FHL1: variants seen among roughly 807,000 people sequenced by gnomAD.
The protein encoded by FHL1 is four and a half LIM domains 1.
Under a neutral mutation model 20.3 loss-of-function variants are expected in FHL1, and 1 was observed. The observed-to-expected ratio is 0.05, with a 90% CI of 0.02 to 0.23. The LOEUF is 0.23. FHL1 is among the 10% of genes least tolerant of loss of function. The pLI is 1.00. For missense variants in FHL1, 177 were observed against 234.0 expected (o/e 0.76, Z 1.59); for synonymous variants, 82 against 88.9 (o/e 0.92, Z 0.44).
upstream of FHL1, among the ~76,000 whole-genome samples, chrX:136,167,365 C>T (rs1198368540): frequency 4.6e-5 from 5 of 109,885 alleles, no homozygotes; most frequent in Non-Finnish European, 9.5e-5. Flanking sequence ...GCCACCACGC[C>T]GGCTAATTTT....
chrX:136,169,999 C>T (rs1392711773), intron 2 of FHL1: 1 of 330,713 alleles, frequency 3.0e-6, no homozygotes, highest in Admixed American at 3.1e-5. Context: ...TACTAATTGC[C>T]ACAAATTCTT....
intron 1 of FHL1, among the ~76,000 whole-genome samples, chrX:136,161,432 G>T (rs1168145213): frequency 8.9e-6 from 1 of 112,184 alleles, no homozygotes; most frequent in Non-Finnish European, 1.9e-5. Flanking sequence ...TGCTGCAGTG[G>T]TTTGTTGGGT....
chrX:136,208,306 GGAT>G, intron 4 of FHL1, 146 bp from the exon 5 acceptor site: 1 of 627,294 alleles, frequency 1.6e-6, no homozygotes, highest in Non-Finnish European at 2.6e-6. Flanking sequence ...TGTAAAGTGG[GGAT>G]AATAATAGCC....
In FHL1 at chrX:136,208,645, G is replaced by A; in HGVS notation, c.736+4G>A. 1 of 1,206,444 alleles carries A rather than the reference G, an allele frequency of 8.3e-7. No individual in the cohort carries two copies. The highest frequency in any genetic ancestry group is 1.1e-6 in the Non-Finnish European group (1 of 891,314). On this transcript the variant is annotated splice_donor_region_variant and intron_variant, in intron 5 of 5. Transcript: ENST00000370683. Reference sequence around the variant, plus strand: ...GGATGCAAGAACCCCATCACTGGTAGGCTAAAGAGTCCTTGCTAAGTCTGC... The same window carrying A: ...GGATGCAAGAACCCCATCACTGGTAAGCTAAAGAGTCCTTGCTAAGTCTGC...
rs750640561 is a variant in FHL1, at chrX:136,210,709, G to A, written c.*684G>A. The A allele has an allele frequency of 5.7e-5, 22 of 388,132 alleles. No individual in the cohort carries two copies. Among genetic ancestry groups the A allele is most frequent in the African/African-American group, 4.4e-4 (18 of 40,811 alleles). 32.0% of individuals were successfully genotyped at this position (388,132 alleles called of 1,213,427 possible). The stretch of plus-strand genomic sequence containing the variant: ...GGAACATGCAGGTGATTTGGGAAGT[G>A]TAGAAAGACCTGAGAAAACGAGCCT... On this transcript the variant is annotated 3_prime_UTR_variant, in exon 6 of 6. Coordinates refer to ENST00000370683, the MANE Select transcript of FHL1 (RefSeq NM_001159699.2).
intron 1 of FHL1, among the ~76,000 whole-genome samples, chrX:136,160,451 C>T (rs1476764060): frequency 9.0e-6 from 1 of 111,365 alleles, no homozygotes; most frequent in Non-Finnish European, 1.9e-5. Flanking sequence ...TTTTTTGAAA[C>T]TGTGTCTTGC....
chrX:136,146,925 C>A, upstream of FHL1: 1 of 328,878 alleles, frequency 3.0e-6, no homozygotes, highest in Non-Finnish European at 5.9e-6. Context: ...GTGGGCCTTT[C>A]GGCGCCGCTG....
At chrX:136,177,664 G>A (rs1278529305) in intron 2 of FHL1, among the ~76,000 whole-genome samples, 1 of 112,065 alleles carries the variant, frequency 8.9e-6, no homozygotes, top group Non-Finnish European at 1.9e-5. Flanking sequence ...AGAGACTGAG[G>A]CAAGGGAAGT....
intron 2 of FHL1, among the ~76,000 whole-genome samples, chrX:136,186,598 A>G (rs1193953194): frequency 1.8e-5 from 2 of 111,067 alleles, no homozygotes; most frequent in Non-Finnish European, 3.8e-5. Context: ...GCAGTGGCTC[A>G]CATCTGTACT....
Position 136,210,541 on chromosome X carries a change from T to C in FHL1, c.*516T>C. ...ATCAGAACTCTGCCCTTCCTTCTGT[T>C]CTTTTGTGCTTTCAAATAACTAACA... On this transcript the variant is annotated 3_prime_UTR_variant, in exon 6 of 6. Transcript: ENST00000370683. 2.6e-6 allele frequency: 1 copy of C among 390,867 alleles called. No homozygotes were observed. Among genetic ancestry groups the C allele is most frequent in the Non-Finnish European group, 4.8e-6 (1 of 207,727 alleles). 32.2% of individuals were successfully genotyped at this position (390,867 alleles called of 1,213,427 possible).
intron 1 of FHL1, among the ~76,000 whole-genome samples, chrX:136,160,035 G>A (rs377274478): frequency 3.6e-5 from 4 of 112,362 alleles, no homozygotes; most frequent in South Asian, 3.7e-4. Context: ...TACAGTAAAC[G>A]TGTGTGAAAA....
chrX:136,208,693 A>G, intron 5 of FHL1, 52 bp downstream of exon 5: 2 of 1,103,692 alleles, frequency 1.8e-6, no homozygotes, highest in Non-Finnish European at 2.5e-6. Flanking sequence ...TGCGCATGGT[A>G]ACCATCTCTC....
chrX:136,208,766 T>G (rs919175032), intron 5 of FHL1, 125 bp downstream of exon 5: 1 of 704,366 alleles, frequency 1.4e-6, no homozygotes, highest in Non-Finnish European at 2.2e-6. Flanking sequence ...CCCCTGCTAT[T>G]GTGGTCCCAA....
Position 136,160,616 on chromosome X carries a change from G to A in FHL1, c.-100-9291G>A, listed in dbSNP as rs2072539740. ...TAATGTTTTAGTTTCGTAGAGGCAG[G>A]GTCTCGCTATATTGTCCAGGCTGGT... On this transcript the variant is annotated intron_variant, in intron 1 of 7. Transcript: ENST00000394155. Among the ~76,000 whole-genome samples, 3 of 111,419 alleles carry A rather than the reference G, an allele frequency of 2.7e-5. No homozygotes were observed. In the South Asian group the frequency reaches 1.1e-3, roughly 42 times the overall value.
At chrX:136,191,807 T>A (rs962795976) in intron 2 of FHL1, among the ~76,000 whole-genome samples, 4 of 111,869 alleles carry the variant, frequency 3.6e-5, no homozygotes, top group Non-Finnish European at 7.5e-5. Context: ...TGATTTGTTC[T>A]TCTTTCCTAT....
At chrX:136,208,783 C>T in intron 5 of FHL1, 142 bp downstream of exon 5, 2 of 618,357 alleles carry the variant, frequency 3.2e-6, no homozygotes. Context: ...CCAAAGGCCC[C>T]CCAAGAGTTT....
Position 136,147,702 on chromosome X carries a change from C to T in FHL1, c.-101+74C>T, listed in dbSNP as rs932639098. ...GCCGGCGTCCTGGGTCCCGGGGGAGCGGCTGCCCTTCTGCCCCGCCGCCGC... is the reference window on the plus strand; with the variant it reads ...GCCGGCGTCCTGGGTCCCGGGGGAGTGGCTGCCCTTCTGCCCCGCCGCCGC... On this transcript the variant is annotated intron_variant, in intron 1 of 7. Coordinates refer to the FHL1 transcript ENST00000394155. 2.7e-3 allele frequency: 294 copies of T among 107,922 alleles called. 2 individuals are homozygous for T. Among genetic ancestry groups the T allele is most frequent in the Non-Finnish European group, 3.9e-3 (204 of 52,008 alleles). The allele number at this position is 107,922 out of a possible 1,213,427, so 8.9% of individuals were successfully genotyped here.
rs184218793 is a variant in FHL1 at position 136,169,974 on chromosome X, G to C, written c.-33G>C. On this transcript the variant is annotated 5_prime_UTR_variant, in exon 2 of 7. Coordinates refer to the FHL1 transcript ENST00000394153. The stretch of plus-strand genomic sequence containing the variant: ...ATACATCCTATCTGCCACACATCCA[G>C]CGTGAGGTAAGTTTTACTAATTGCC... 2.7e-4 allele frequency: 88 copies of C among 329,015 alleles called. No individual in the cohort carries two copies. Among genetic ancestry groups the C allele is most frequent in the African/African-American group, 2.2e-3 (82 of 37,658 alleles). 27.1% of individuals were successfully genotyped at this position (329,015 alleles called of 1,213,427 possible). A position where few individuals can be genotyped will look rare whatever the true frequency, so the allele number is the denominator to read the frequency against.
chrX:136,177,009 G>A (rs1178742587), intron 2 of FHL1, among the ~76,000 whole-genome samples: 1 of 20,419 alleles, frequency 4.9e-5, no homozygotes, highest in Non-Finnish European at 1.7e-4. Flanking sequence ...AAGTCATGTA[G>A]AAATACACAC....
Sources: gnomAD v4.1 joint callset for allele counts (sites outside exome capture counted in the v4.1 genomes callset) on GRCh38, gnomAD v4.1.1 for gene constraint, MANE v1.5 for transcripts, NCBI Gene and HGNC (gene_info 2026-07-23, HGNC 2026-07-21) for gene names.